The following MACROD2 variants were observed in gnomAD, a reference collection of about 807,000 sequenced individuals.
The protein encoded by MACROD2 is ADP-ribose glycohydrolase MACROD2.
In MACROD2, 36 loss-of-function variants were observed where a neutral mutation model predicts 70.4. The observed-to-expected ratio is 0.51, with a 90% CI of 0.39 to 0.68. The LOEUF (loss-of-function observed/expected upper bound fraction) is 0.68. MACROD2 is among the 30% of genes least tolerant of loss of function. The pLI, the probability that MACROD2 is intolerant of heterozygous loss-of-function variation, is 0.00. For synonymous variants in MACROD2, 172 were observed against 178.8 expected (o/e 0.96, Z 0.30); for missense variants, 496 against 538.4 (o/e 0.92, Z 0.78).
chr20:14,350,529 T>G (rs1283086128), intron 3 of MACROD2, among the ~76,000 whole-genome samples: 11 of 152,228 alleles, frequency 7.2e-5, no homozygotes, highest in Non-Finnish European at 1.5e-5. Context: ...CACTTTTTCC[T>G]ATGCCTGTTT....
intron 5 of MACROD2, among the ~76,000 whole-genome samples, chr20:15,080,301 T>TTGTTAAAGTCAA (rs1475280201): frequency 6.6e-6 from 1 of 152,068 alleles, no homozygotes; most frequent in Non-Finnish European, 1.5e-5. Flanking sequence ...CAAAACACAC[T>TTGTTAAAGTCAA]TGTTAAAGTC....
intron 8 of MACROD2, among the ~76,000 whole-genome samples, chr20:15,645,447 C>A (rs1485127082): frequency 6.6e-6 from 1 of 152,098 alleles, no homozygotes; most frequent in Admixed American, 6.5e-5. Flanking sequence ...TGAAGATGTT[C>A]CAAAGAAATG....
In MACROD2 at chr20:15,664,253, A is replaced by G. The variant is rs536047569; in HGVS notation, c.645+164406A>G. Among the ~76,000 whole-genome samples the G allele has an allele frequency of 3.9e-5, 6 of 152,314 alleles. No individual in the cohort carries two copies. The East Asian group carries it at 1.2e-3, about 29-fold the overall frequency. ...TAGGGGGGATGGAAAGCAAAGGAGG[A>G]ACTGAAATATTTGGGAAGAATTGAA... On this transcript the variant is annotated intron_variant, in intron 8 of 17. Coordinates refer to ENST00000684519, the MANE Select transcript of MACROD2 (RefSeq NM_001351661.2).
intron 4 of MACROD2, among the ~76,000 whole-genome samples, chr20:14,675,127 T>C (rs1404311825): frequency 6.6e-6 from 1 of 152,148 alleles, no homozygotes; most frequent in Non-Finnish European, 1.5e-5. Flanking sequence ...TGGAAAGCAC[T>C]CTTCAGGATA....
intron 6 of MACROD2, among the ~76,000 whole-genome samples, chr20:15,408,174 A>G (rs529347444): frequency 6.6e-6 from 1 of 152,358 alleles, no homozygotes; most frequent in African/African-American, 2.4e-5. Context: ...TAAGGGGAAT[A>G]AAATAAAAAT....
chr20:14,027,446 T>A (rs1240024620), intron 2 of MACROD2, among the ~76,000 whole-genome samples: 3 of 152,186 alleles, frequency 2.0e-5, no homozygotes, highest in Non-Finnish European at 4.4e-5. Flanking sequence ...ACCCACCTTC[T>A]GAAGCCTACT....
chr20:14,785,580 C>T (rs2072359579), intron 5 of MACROD2, among the ~76,000 whole-genome samples: 1 of 152,094 alleles, frequency 6.6e-6, no homozygotes, highest in Non-Finnish European at 1.5e-5. Context: ...ACCCCCGCTC[C>T]TCTGATGCCC....
At chr20:14,324,121 C>A (rs1936228350) in intron 3 of MACROD2, 1 of 152,490 alleles carries the variant, frequency 6.6e-6, no homozygotes, top group East Asian at 1.9e-4. Context: ...AAAGCAAGCA[C>A]AATTATTCTG....
At chr20:14,476,632 C>T (rs982484702) in intron 3 of MACROD2, among the ~76,000 whole-genome samples, 2 of 152,340 alleles carry the variant, frequency 1.3e-5, no homozygotes, top group East Asian at 3.9e-4. Flanking sequence ...GTTGGGATTA[C>T]AGGCGTGAGC....
chr20:15,077,104 T>A (rs781613560), intron 5 of MACROD2, among the ~76,000 whole-genome samples: 10 of 152,204 alleles, frequency 6.6e-5, no homozygotes, highest in Admixed American at 1.3e-4. Flanking sequence ...TTAAGGGTGG[T>A]AAGAAATTTA....
chr20:14,380,918 G>T (rs1051428990), intron 3 of MACROD2, among the ~76,000 whole-genome samples: 13 of 151,964 alleles, frequency 8.6e-5, no homozygotes, highest in African/African-American at 2.9e-4. Flanking sequence ...TTATGCTTTT[G>T]TACTTATCAG....
At chr20:14,667,379 A>G (rs1310917384) in intron 4 of MACROD2, among the ~76,000 whole-genome samples, 1 of 152,192 alleles carries the variant, frequency 6.6e-6, no homozygotes, top group Non-Finnish European at 1.5e-5. Context: ...TATTGCATTT[A>G]GTCTTGCCAA....
At chr20:15,763,852 C>G (rs2051478924) in intron 8 of MACROD2, among the ~76,000 whole-genome samples, 1 of 152,128 alleles carries the variant, frequency 6.6e-6, no homozygotes, top group Non-Finnish European at 1.5e-5. Context: ...AAGAAAATTA[C>G]TTTTATAATG....
At chr20:15,510,084 AG>A (rs1362470113) in intron 8 of MACROD2, among the ~76,000 whole-genome samples, 1 of 151,916 alleles carries the variant, frequency 6.6e-6, no homozygotes, top group East Asian at 1.9e-4. Context: ...GTAGAAGGAG[AG>A]GCCGCCATGT....
rs565341024 is a variant in MACROD2, at chr20:15,673,796, C to T, written c.645+173949C>T. On this transcript the variant is annotated intron_variant, in intron 8 of 17. Coordinates refer to ENST00000684519, the MANE Select transcript of MACROD2 (RefSeq NM_001351661.2). ...CAGTAGGGAGGAAAAAAAAAAAAAA[C>T]AGCCCTGATCTCAAGGAGCTTATAG... Among the ~76,000 whole-genome samples the T allele has an allele frequency of 9.1e-4, 87 of 95,754 alleles. 2 individuals carry two copies. Among genetic ancestry groups the T allele is most frequent in the Middle Eastern group, 0.012 (2 of 168 alleles). The allele number at this position is 95,754 out of a possible 152,430, so 62.8% of individuals were successfully genotyped here.
chr20:15,447,671 AC>A (rs2046587326), intron 7 of MACROD2, among the ~76,000 whole-genome samples: 2 of 152,208 alleles, frequency 1.3e-5, no homozygotes, highest in Admixed American at 1.3e-4. Context: ...ACTGACCTTG[AC>A]CTTTTCTATC....
chr20:14,494,771 G>T (rs982680316), intron 4 of MACROD2, among the ~76,000 whole-genome samples: 1 of 152,058 alleles, frequency 6.6e-6, no homozygotes, highest in African/African-American at 2.4e-5. Context: ...ATATGAATTT[G>T]TAGGATGTTT....
chr20:15,216,409 T>C (rs1444587283), intron 5 of MACROD2, among the ~76,000 whole-genome samples: 3 of 152,022 alleles, frequency 2.0e-5, no homozygotes, highest in Admixed American at 2.0e-4. Flanking sequence ...TGATAAAACT[T>C]CTGGAAAGGA....
At chr20:14,962,514 TCTCTCTC>T (rs1243311383) in intron 5 of MACROD2, among the ~76,000 whole-genome samples, 4 of 141,820 alleles carry the variant, frequency 2.8e-5, no homozygotes, top group African/African-American at 1.2e-4. Context: ...AATTTTGCTC[TCTCTCTC>T]TCTCTTTCTC....
Sources: allele counts gnomAD v4.1 joint callset (sites outside exome capture counted in the v4.1 genomes callset), GRCh38; gene constraint gnomAD v4.1.1; transcripts MANE v1.5; gene names NCBI Gene and HGNC (gene_info 2026-07-23, HGNC 2026-07-21).